NEGR1: variants seen among roughly 807,000 people sequenced by gnomAD.
The protein encoded by NEGR1 is neuronal growth regulator 1.
NEGR1 carries 10 observed loss-of-function variants against 40.9 expected under a neutral mutation model. The ratio of observed to expected loss-of-function variants is 0.24; its 90% CI spans 0.15 to 0.42. The LOEUF (loss-of-function observed/expected upper bound fraction) is 0.42. Ranked by LOEUF, NEGR1 falls within the 10% of genes least tolerant of loss-of-function variation. NEGR1 has a pLI of 1.00. For synonymous variants in NEGR1, 185 were observed against 166.8 expected (o/e 1.11, Z -0.84); for missense variants, 352 against 438.9 (o/e 0.80, Z 1.77).
intron 1 of NEGR1, among the ~76,000 whole-genome samples, chr1:72,208,195 A>ATG (rs573683370): frequency 6.6e-6 from 1 of 151,674 alleles, no homozygotes; most frequent in Non-Finnish European, 1.5e-5. Context: ...GCCTGCATGC[A>ATG]TGTGTGTGTG....
At chr1:71,445,299 CT>C (rs67225048) in intron 6 of NEGR1, among the ~76,000 whole-genome samples, 10,957 of 132,722 alleles carry the variant, frequency 0.083, 424 homozygotes, top group Middle Eastern at 0.095. Context: ...AAGCTCAATG[CT>C]TTTTTTTTTA....
intron 6 of NEGR1, among the ~76,000 whole-genome samples, chr1:71,416,535 T>C (rs1646357389): frequency 6.6e-6 from 1 of 152,228 alleles, no homozygotes; most frequent in South Asian, 2.1e-4. Flanking sequence ...CTTGTAGTTC[T>C]GATTTACTTA....
At chr1:71,756,533 CAAAAGGA>C (rs1446591083) in intron 3 of NEGR1, among the ~76,000 whole-genome samples, 1 of 151,820 alleles carries the variant, frequency 6.6e-6, no homozygotes, top group Non-Finnish European at 1.5e-5. Flanking sequence ...TGTCATGTCA[CAAAAGGA>C]AAAATAGAAT....
chr1:72,261,796 A>G (rs1316239674), intron 1 of NEGR1, among the ~76,000 whole-genome samples: 5 of 152,074 alleles, frequency 3.3e-5, no homozygotes, highest in African/African-American at 4.8e-5. Flanking sequence ...CTCACTTAGA[A>G]GTGACAGTTA....
intron 6 of NEGR1, chr1:71,489,588 T>C (rs1330471833): frequency 2.0e-5 from 3 of 152,026 alleles, no homozygotes; most frequent in South Asian, 4.1e-4. Context: ...ATAATCCACA[T>C]AGATAGTAAC....
intron 4 of NEGR1, among the ~76,000 whole-genome samples, chr1:71,659,289 G>A (rs929415311): frequency 2.6e-5 from 4 of 152,038 alleles, no homozygotes; most frequent in Admixed American, 2.6e-4. Context: ...AACTCAGACC[G>A]CTCTTCAATA....
chr1:72,166,022 T>C (rs1467092483), intron 1 of NEGR1, among the ~76,000 whole-genome samples: 2 of 152,032 alleles, frequency 1.3e-5, no homozygotes, highest in African/African-American at 2.4e-5. Context: ...GAAAGGGCAA[T>C]GTATAGGTAG....
chr1:71,813,789 C>T (rs1658095267), intron 2 of NEGR1, among the ~76,000 whole-genome samples: 1 of 151,998 alleles, frequency 6.6e-6, no homozygotes, highest in African/African-American at 2.4e-5. Context: ...ATTTTGTATC[C>T]TGAAATTTGC....
chr1:72,257,181 G>C (rs1159049583), intron 1 of NEGR1, among the ~76,000 whole-genome samples: 1 of 151,728 alleles, frequency 6.6e-6, no homozygotes, highest in Non-Finnish European at 1.5e-5. Flanking sequence ...TATTAGCCGG[G>C]CGTAGTGGCG....
At chr1:72,091,569 C>T (rs574518634) in intron 1 of NEGR1, among the ~76,000 whole-genome samples, 92 of 152,048 alleles carry the variant, frequency 6.1e-4, no homozygotes, top group African/African-American at 1.8e-3. Context: ...CCATAATAGA[C>T]AAGGCATGAT....
intron 6 of NEGR1, among the ~76,000 whole-genome samples, chr1:71,473,133 TAAG>T (rs1646793318): frequency 6.6e-6 from 1 of 152,078 alleles, no homozygotes; most frequent in Non-Finnish European, 1.5e-5. Flanking sequence ...TAATACCTGA[TAAG>T]ATAACAGTTG....
At chr1:71,587,289 G>T (rs980846110) in intron 6 of NEGR1, among the ~76,000 whole-genome samples, 1 of 152,100 alleles carries the variant, frequency 6.6e-6, no homozygotes, top group Non-Finnish European at 1.5e-5. Flanking sequence ...GGTACTGTTC[G>T]CTTGCATCGG....
At chr1:71,801,656 T>C (rs1657563208) in intron 2 of NEGR1, among the ~76,000 whole-genome samples, 1 of 152,200 alleles carries the variant, frequency 6.6e-6, no homozygotes. Flanking sequence ...TATTTGCCTC[T>C]AACTTTAGAG....
At chr1:71,964,236 C>T (rs1185050603) in intron 1 of NEGR1, among the ~76,000 whole-genome samples, 1 of 152,152 alleles carries the variant, frequency 6.6e-6, no homozygotes, top group South Asian at 2.1e-4. Context: ...CATCGAAAGG[C>T]AGAGTTTAAA....
intron 1 of NEGR1, among the ~76,000 whole-genome samples, chr1:72,064,576 C>G (rs560980594): frequency 6.6e-6 from 1 of 152,160 alleles, no homozygotes; most frequent in Non-Finnish European, 1.5e-5. Context: ...CAAATACAGT[C>G]CTTGTTGTCA....
intron 4 of NEGR1, among the ~76,000 whole-genome samples, chr1:71,696,711 G>C (rs1279116482): frequency 2.6e-5 from 4 of 151,816 alleles, no homozygotes. Flanking sequence ...TCTGCAATAA[G>C]AGTCCTGAGA....
intron 2 of NEGR1, among the ~76,000 whole-genome samples, chr1:71,833,623 C>T (rs138399647): frequency 6.6e-6 from 1 of 152,106 alleles, no homozygotes; most frequent in East Asian, 1.9e-4. Flanking sequence ...ATTCTGTCTC[C>T]AGCAATACAA....
At chr1:71,452,348 G>C (rs1228481629) in intron 6 of NEGR1, among the ~76,000 whole-genome samples, 2 of 152,148 alleles carry the variant, frequency 1.3e-5, no homozygotes, top group African/African-American at 4.8e-5. Context: ...TCTTGTTAAA[G>C]TAGTAATCTA....
At chr1:71,860,542 A>G (rs1659915048) in intron 2 of NEGR1, among the ~76,000 whole-genome samples, 1 of 152,004 alleles carries the variant, frequency 6.6e-6, no homozygotes. Context: ...TAATAAAATT[A>G]TGTTTGAAAA....
Sources: allele counts gnomAD v4.1 joint callset (sites outside exome capture counted in the v4.1 genomes callset), GRCh38; gene constraint gnomAD v4.1.1; transcripts MANE v1.5; gene names NCBI Gene and HGNC (gene_info 2026-07-23, HGNC 2026-07-21).